LRRC23: variants seen among roughly 807,000 people sequenced by gnomAD.
The protein encoded by LRRC23 is leucine rich repeat containing 23.
A neutral mutation model predicts 37.7 loss-of-function variants in LRRC23; 28 were observed. That is an observed-to-expected ratio of 0.74 (90% CI 0.55 to 1.02). LRRC23 has a LOEUF of 1.02. Ranked by LOEUF, LRRC23 falls within the 50% of genes least tolerant of loss-of-function variation. The pLI is 0.00. For synonymous variants in LRRC23, 161 were observed against 165.4 expected (o/e 0.97, Z 0.20); for missense variants, 377 against 413.2 (o/e 0.91, Z 0.76).
intron 6 of LRRC23, among the ~76,000 whole-genome samples, 168 bp from the exon 7 acceptor site, chr12:6,912,562 G>C (rs147494473): frequency 5.3e-5 from 8 of 152,240 alleles, no homozygotes; most frequent in African/African-American, 1.9e-4. Context: ...GGACCAGAGC[G>C]GGGTCACACA....
rs1945202714 is a variant in LRRC23 at position 6,912,981 on chromosome 12, A to G, written c.1010A>G (p.Glu337Gly). 1 of 1,614,002 alleles carries G rather than the reference A, an allele frequency of 6.2e-7. No homozygotes were observed. Among genetic ancestry groups the G allele is most frequent in the African/African-American group, 1.3e-5 (1 of 74,902 alleles). Residue 337 changes from glutamate to glycine, a missense_variant, in exon 7 of 8, where the codon GAA (glutamate) becomes GGA (glycine). Physicochemically the swap from Glu to Gly is moderately conservative, Grantham distance 98 (BLOSUM62 -2). Coordinates refer to ENST00000443597, the MANE Select transcript of LRRC23 (RefSeq NM_001135217.2). ...EQEPEPQRDL[E>G]PEQSLI is the part of the protein sequence containing the mutation. The stretch of plus-strand genomic sequence containing the variant: ...GAGCCTGAGCCCCAGCGTGACCTGG[A>G]ACCCGAACAGTCATTGATCTAGCAG...
intron 7 of LRRC23, among the ~76,000 whole-genome samples, chr12:6,913,551 G>GTTGTTTT (rs1945227229): frequency 1.3e-5 from 1 of 78,124 alleles, no homozygotes; most frequent in African/African-American, 5.1e-5. Flanking sequence ...ATTTACCTCT[G>GTTGTTTT]TTTGTTTTTT....
At chr12:6,913,551 G>GCT (rs1945226990) in intron 7 of LRRC23, among the ~76,000 whole-genome samples, 1 of 78,124 alleles carries the variant, frequency 1.3e-5, no homozygotes, top group Admixed American at 1.6e-4. Context: ...ATTTACCTCT[G>GCT]TTTGTTTTTT....
Position 6,914,139 on chromosome 12 carries a change from G to C in LRRC23, c.*273G>C. 1 of 1,425,860 alleles carries C rather than the reference G, an allele frequency of 7.0e-7. No homozygotes were observed. Among genetic ancestry groups the C allele is most frequent in the South Asian group, 1.5e-5 (1 of 68,194 alleles). 88.3% of individuals were successfully genotyped at this position (1,425,860 alleles called of 1,614,324 possible). Reference sequence around the variant, plus strand: ...GCAGGCGTGGGTGAGAGCCAAGACCGCGTGGGCCGCGGGGTGCTGGTAGGA... The same window carrying C: ...GCAGGCGTGGGTGAGAGCCAAGACCCCGTGGGCCGCGGGGTGCTGGTAGGA... On this transcript the variant is annotated 3_prime_UTR_variant, in exon 8 of 8. Coordinates refer to ENST00000443597, the MANE Select transcript of LRRC23 (RefSeq NM_001135217.2). This position sits in a 1 kb window ranked among gnomAD's most constrained non-coding sequence, Gnocchi z 7.1.
At position 6,907,428 on chromosome 12, in the gene LRRC23, C is replaced by G; in HGVS notation, c.604C>G (p.Leu202Val). The change falls in exon 5 of 8, where the codon CTG (leucine) becomes GTG (valine). Residue 202 changes from leucine to valine, a missense_variant. Coordinates refer to ENST00000443597, the MANE Select transcript of LRRC23 (RefSeq NM_001135217.2). ...ESTLGINLPKLKNLYLAQNML... is the reference protein window; with the variant it reads ...ESTLGINLPKVKNLYLAQNML... ...CACCCTGGGAATCAATCTTCCTAAGCTGAAGAACCTCTACCTGGTAGCTCA... is the reference window on the plus strand; with the variant it reads ...CACCCTGGGAATCAATCTTCCTAAGGTGAAGAACCTCTACCTGGTAGCTCA... 6.2e-7 allele frequency: 1 copy of G among 1,613,990 alleles called. No homozygotes were observed. Among genetic ancestry groups the G allele is most frequent in the South Asian group, 1.1e-5 (1 of 91,070 alleles).
Position 6,912,739 on chromosome 12 carries a change from G to C in LRRC23, c.768G>C (p.Met256Ile), listed in dbSNP as rs1243691533. Residue 256 changes from methionine to isoleucine, a missense_variant, in exon 7 of 8, where the codon ATG becomes ATC. By Grantham distance (10) the Met-to-Ile change is conservative (BLOSUM62 1). Transcript: ENST00000443597. ...CTGACCACACTGGCAGGGGCAACATGGTGGCCAACCTGGGGGAGCTGGCCA... is the reference window on the plus strand; with the variant it reads ...CTGACCACACTGGCAGGGGCAACATCGTGGCCAACCTGGGGGAGCTGGCCA... ...SLQYLNLRGN[M>I]VANLGELAKL... 6.2e-7 allele frequency: 1 copy of C among 1,613,822 alleles called. No individual in the cohort carries two copies. The highest frequency in any genetic ancestry group is 2.2e-5 in the East Asian group (1 of 44,874).
In LRRC23 at chr12:6,905,057, C is replaced by T. The variant is rs1555139272; in HGVS notation, c.-68C>T. ...ACCAAGGGCCTCTCCAGAACTGCTT[C>T]TGATTGAGCAGAAACAGGGTCTGAG... On this transcript the variant is annotated 5_prime_UTR_variant, in exon 1 of 8. Transcript: ENST00000443597. The T allele has an allele frequency of 6.4e-6, 1 of 156,362 alleles. No homozygotes were observed. The highest frequency in any genetic ancestry group is 1.4e-5 in the Non-Finnish European group (1 of 70,386). 9.7% of individuals were successfully genotyped at this position (156,362 alleles called of 1,614,324 possible).
At chr12:6,911,506 G>A in intron 6 of LRRC23, among the ~76,000 whole-genome samples, 1 of 126,230 alleles carries the variant, frequency 7.9e-6, no homozygotes, top group Non-Finnish European at 1.6e-5. Context: ...TAAGTCGGGT[G>A]TGTGTGTGGA....
intron 6 of LRRC23, among the ~76,000 whole-genome samples, chr12:6,911,757 C>A (rs1309963830): frequency 1.3e-5 from 2 of 152,154 alleles, no homozygotes; most frequent in Admixed American, 6.5e-5. Context: ...CCTGTAATCC[C>A]AGCACTTTGG....
chr12:6,913,551 GTTTGTTTTTT>G (rs1421098305), intron 7 of LRRC23, among the ~76,000 whole-genome samples: 1,459 of 78,128 alleles, frequency 0.019, 243 homozygotes, highest in African/African-American at 0.07. Flanking sequence ...ATTTACCTCT[GTTTGTTTTTT>G]TTTTTTTTTT....
intron 7 of LRRC23, chr12:6,913,375 AT>A (rs1945218258): frequency 3.6e-6 from 1 of 276,770 alleles, no homozygotes; most frequent in South Asian, 5.2e-5. Flanking sequence ...TTGGTGGTGT[AT>A]GCAGCTGGAC....
At chr12:6,905,147 G>A (rs781862030) in intron 1 of LRRC23, 72 bp downstream of exon 1, 1 of 164,368 alleles carries the variant, frequency 6.1e-6, no homozygotes, top group East Asian at 1.8e-4. Flanking sequence ...TGTACCAGAG[G>A]GCCCAAGGAA....
chr12:6,907,653 T>TA, intron 5 of LRRC23: 2 of 626,058 alleles, frequency 3.2e-6, no homozygotes, highest in Non-Finnish European at 5.7e-6. Flanking sequence ...AATACAGAGA[T>TA]AATTTACCTT....
intron 1 of LRRC23, 77 bp from the exon 2 acceptor site, chr12:6,905,508 G>T: frequency 2.3e-6 from 2 of 866,310 alleles, no homozygotes; most frequent in South Asian, 1.5e-5. Flanking sequence ...AAGTCATGGG[G>T]GTGATGGGAG....
At chr12:6,909,345 AT>A (rs1269608194) in intron 5 of LRRC23, among the ~76,000 whole-genome samples, 2 of 51,618 alleles carry the variant, frequency 3.9e-5, no homozygotes. Flanking sequence ...TAATATATAA[AT>A]ATATATAATA....
At chr12:6,913,558 T>TTG (rs1945234064) in intron 7 of LRRC23, among the ~76,000 whole-genome samples, 1 of 100,886 alleles carries the variant, frequency 9.9e-6, no homozygotes, top group African/African-American at 6.2e-5. Context: ...TCTGTTTGTT[T>TTG]TTTTTTTTTT....
chr12:6,909,026 A>ATATATATTATATAT (rs782200561), intron 5 of LRRC23, among the ~76,000 whole-genome samples: 1 of 95,570 alleles, frequency 1.0e-5, no homozygotes, highest in African/African-American at 4.5e-5. Flanking sequence ...GAAAACCGAT[A>ATATATATTATATAT]TATATATTAT....
chr12:6,909,965 C>G lies in LRRC23; in HGVS notation c.697C>G (p.Gln233Glu). The change falls in exon 6 of 8, where the codon CAG (glutamine) becomes GAG (glutamate). Residue 233 changes from glutamine (Q) to glutamate (E), a missense_variant. Transcript: ENST00000443597. ...CACCACCTTGCATCTTCGAGACAAC[C>G]AGATTGACACCCTGAGTGGCTTCTC... The part of the protein sequence containing the change: ...NLTTLHLRDN[Q>E]IDTLSGFSRE... The G allele has an allele frequency of 6.2e-7, 1 of 1,613,888 alleles. No homozygotes were observed.
intron 1 of LRRC23, chr12:6,905,376 C>A (rs2138136093): frequency 2.7e-6 from 1 of 367,012 alleles, no homozygotes. Context: ...CAGGAAAGGC[C>A]TGGGGGTGTG....
Sources: allele counts gnomAD v4.1 joint callset (sites outside exome capture counted in the v4.1 genomes callset), GRCh38; gene constraint gnomAD v4.1.1; non-coding constraint Gnocchi (gnomAD v3.1); transcripts MANE v1.5; gene names NCBI Gene and HGNC (gene_info 2026-07-23, HGNC 2026-07-21).